MACROD2: variants seen among roughly 807,000 people sequenced by gnomAD.
MACROD2 encodes ADP-ribose glycohydrolase MACROD2.
MACROD2 carries 36 observed loss-of-function variants against 70.4 expected under a neutral mutation model. The ratio of observed to expected loss-of-function variants is 0.51; its 90% confidence interval spans 0.39 to 0.68. The LOEUF (loss-of-function observed/expected upper bound fraction) is 0.68, where lower values mean the gene tolerates loss of function less well. Ranked by LOEUF, MACROD2 falls within the 30% of genes least tolerant of loss-of-function variation. The pLI is 0.00. For missense variants in MACROD2, 496 were observed against 538.4 expected, an observed-to-expected ratio of 0.92 and a Z score of 0.78; for synonymous variants, 172 against 178.8, an observed-to-expected ratio of 0.96 and a Z score of 0.30.
intron 10 of MACROD2, among the ~76,000 whole-genome samples, chr20:15,922,427 A>AT (rs1248951787): frequency 6.6e-6 from 1 of 152,196 alleles, no homozygotes; most frequent in Admixed American, 6.5e-5. Flanking sequence ...GATATTTTAC[A>AT]TTTTTTCACA....
At chr20:15,886,081 C>T (rs2064818690) in intron 10 of MACROD2, among the ~76,000 whole-genome samples, 1 of 152,170 alleles carries the variant, frequency 6.6e-6, no homozygotes. Context: ...ACGAATCACC[C>T]CCAAAACTTA....
chr20:15,430,215 ATT>A (rs368190888), intron 6 of MACROD2, among the ~76,000 whole-genome samples: 4 of 151,640 alleles, frequency 2.6e-5, no homozygotes, highest in Non-Finnish European at 5.9e-5. Context: ...TTTGTATTGT[ATT>A]TTTTTTCTTG....
At chr20:14,573,461 C>T (rs566303096) in intron 4 of MACROD2, among the ~76,000 whole-genome samples, 6 of 152,208 alleles carry the variant, frequency 3.9e-5, no homozygotes, top group South Asian at 4.1e-4. Flanking sequence ...AAAGTATCTA[C>T]GTACATTTTA....
At chr20:14,720,962 C>G (rs538814173) in intron 5 of MACROD2, among the ~76,000 whole-genome samples, 2 of 151,938 alleles carry the variant, frequency 1.3e-5, no homozygotes, top group Non-Finnish European at 2.9e-5. Flanking sequence ...AACATTAAAA[C>G]TCAAGGAGTT....
intron 5 of MACROD2, among the ~76,000 whole-genome samples, chr20:15,034,540 A>T (rs1016498): frequency 1.3e-5 from 2 of 151,932 alleles, no homozygotes; most frequent in Non-Finnish European, 1.5e-5. Flanking sequence ...GATTTATAAT[A>T]GAAAGTACAA....
intron 2 of MACROD2, among the ~76,000 whole-genome samples, chr20:14,064,459 T>C (rs1256352229): frequency 6.6e-6 from 1 of 152,162 alleles, no homozygotes. Context: ...ATTATCTTCT[T>C]TCCCAAGCTG....
chr20:16,031,387 G>C (rs1410706218), intron 15 of MACROD2, among the ~76,000 whole-genome samples: 1 of 151,988 alleles, frequency 6.6e-6, no homozygotes, highest in East Asian at 1.9e-4. Flanking sequence ...TAAGTGATCT[G>C]ATTGATCTGA....
intron 5 of MACROD2, among the ~76,000 whole-genome samples, chr20:14,806,255 G>A (rs554888996): frequency 1.7e-4 from 26 of 152,034 alleles, no homozygotes; most frequent in South Asian, 2.1e-4. Flanking sequence ...TGAGGTACCC[G>A]GTTGATCTCA....
intron 4 of MACROD2, among the ~76,000 whole-genome samples, chr20:14,650,026 A>G (rs967539183): frequency 3.9e-5 from 6 of 152,178 alleles, no homozygotes; most frequent in African/African-American, 1.4e-4. Flanking sequence ...TCAAATCCAC[A>G]TATTCAGAAT....
At chr20:15,188,192 A>G (rs570402402) in intron 5 of MACROD2, among the ~76,000 whole-genome samples, 1 of 152,306 alleles carries the variant, frequency 6.6e-6, no homozygotes, top group Admixed American at 6.5e-5. Flanking sequence ...GCTGTCTATC[A>G]TTGACAAAGC....
intron 5 of MACROD2, among the ~76,000 whole-genome samples, chr20:14,764,340 G>A (rs142412081): frequency 0.011 from 1,636 of 152,052 alleles, 46 homozygotes; most frequent in African/African-American, 0.037. Context: ...TGCTCTTGCC[G>A]TCCTCTTGGT....
intron 8 of MACROD2, among the ~76,000 whole-genome samples, chr20:15,521,186 T>A (rs1166042236): frequency 6.6e-6 from 1 of 152,180 alleles, no homozygotes; most frequent in Admixed American, 6.5e-5. Flanking sequence ...AGGTGAAGAA[T>A]CGTGCATCTA....
At chr20:15,514,168 T>A (rs2047536659) in intron 8 of MACROD2, among the ~76,000 whole-genome samples, 1 of 152,180 alleles carries the variant, frequency 6.6e-6, no homozygotes, top group South Asian at 2.1e-4. Flanking sequence ...TAAAGTTAAT[T>A]TATATTAAAG....
At chr20:14,770,088 A>G (rs1186979631) in intron 5 of MACROD2, among the ~76,000 whole-genome samples, 1 of 151,896 alleles carries the variant, frequency 6.6e-6, no homozygotes, top group African/African-American at 2.4e-5. Flanking sequence ...TGGTATTAAA[A>G]TATATATTAT....
In MACROD2 at chr20:15,385,528, C is replaced by T. The variant is rs948425453; in HGVS notation, c.541-45877C>T. On this transcript the variant is annotated intron_variant, in intron 6 of 17. Transcript: ENST00000684519. ...ACATACTTACCTGTTTATTTCCCTA[C>T]ATCTGTTTATTTCCCTACGTGTTCT... Among the ~76,000 whole-genome samples, 5 of 152,130 alleles carry T rather than the reference C, an allele frequency of 3.3e-5. No homozygotes were observed. The East Asian group carries it at 7.7e-4, about 23-fold the overall frequency.
chr20:14,484,053 T>A (rs1336639009), intron 3 of MACROD2, among the ~76,000 whole-genome samples: 5 of 152,188 alleles, frequency 3.3e-5, no homozygotes, highest in Non-Finnish European at 5.9e-5. Flanking sequence ...AGCACCCCAT[T>A]GAACTGAAAT....
At position 14,440,106 on chromosome 20, in the gene MACROD2, T is replaced by A. The variant is rs548498542; in HGVS notation, c.272-53373T>A. Among the ~76,000 whole-genome samples the A allele has an allele frequency of 3.3e-5, 5 of 152,320 alleles. No homozygotes were observed. In the South Asian group the frequency reaches 1.0e-3, roughly 32 times the overall value. On this transcript the variant is annotated intron_variant, in intron 3 of 17. Coordinates refer to ENST00000684519, the MANE Select transcript of MACROD2 (RefSeq NM_001351661.2). ...ATATTGAAGATAGTACAGAGGCTAG[T>A]ACATGGGCTTTAGCAGCAAACTCCC...
At chr20:15,700,447 C>T (rs2050440940) in intron 8 of MACROD2, among the ~76,000 whole-genome samples, 1 of 152,218 alleles carries the variant, frequency 6.6e-6, no homozygotes, top group Admixed American at 6.5e-5. Flanking sequence ...CTCCGAAGTG[C>T]CTTTGCTGCA....
At chr20:15,985,001 C>T (rs554824520) in intron 13 of MACROD2, among the ~76,000 whole-genome samples, 1 of 152,204 alleles carries the variant, frequency 6.6e-6, no homozygotes, top group African/African-American at 2.4e-5. Context: ...TTACAGGTTA[C>T]CTTGTGCCAT....
Sources: gnomAD v4.1 joint callset for allele counts (sites outside exome capture counted in the v4.1 genomes callset) on GRCh38, gnomAD v4.1.1 for gene constraint, MANE v1.5 for transcripts, NCBI Gene and HGNC (gene_info 2026-07-23, HGNC 2026-07-21) for gene names.